CFAP47: variants seen among roughly 807,000 people sequenced by gnomAD.
The protein encoded by CFAP47 is cilia- and flagella-associated protein 47.
Under a neutral mutation model 148.1 loss-of-function variants are expected in CFAP47, and 29 were observed. The ratio of observed to expected loss-of-function variants is 0.20; its 90% CI spans 0.15 to 0.27. The LOEUF (loss-of-function observed/expected upper bound fraction) is 0.27, where lower values mean the gene tolerates loss of function less well. CFAP47 is among the 10% of genes least tolerant of loss of function. CFAP47 has a pLI of 1.00. For missense variants in CFAP47, 1,872 were observed against 1,697.5 expected (o/e 1.10, Z -1.81); for synonymous variants, 664 against 577.3 (o/e 1.15, Z -2.15).
At chrX:36,039,587 G>A (rs1937379043) in intron 25 of CFAP47, among the ~76,000 whole-genome samples, 1 of 112,275 alleles carries the variant, frequency 8.9e-6, no homozygotes, top group Admixed American at 9.5e-5. Flanking sequence ...CCTCTGCTGA[G>A]TGTCTCAATA....
At chrX:36,321,709 T>G (rs5929017) in intron 57 of CFAP47, among the ~76,000 whole-genome samples, 1 of 111,758 alleles carries the variant, frequency 8.9e-6, no homozygotes, top group Admixed American at 9.6e-5. Flanking sequence ...CAAAGTATGG[T>G]TAATGTATGA....
intron 49 of CFAP47, among the ~76,000 whole-genome samples, chrX:36,252,530 C>T (rs1277041565): frequency 1.8e-5 from 2 of 110,678 alleles, no homozygotes; most frequent in Non-Finnish European, 3.8e-5. Flanking sequence ...TGAAATCTTC[C>T]CCTTGTTTTT....
chrX:36,151,960 G>A (rs1191972407), intron 37 of CFAP47, among the ~76,000 whole-genome samples: 2 of 111,048 alleles, frequency 1.8e-5, no homozygotes, highest in African/African-American at 6.6e-5. Flanking sequence ...CTTTCTTTCT[G>A]TGTCTTCACG....
intron 37 of CFAP47, among the ~76,000 whole-genome samples, chrX:36,155,165 A>G (rs954306574): frequency 9.0e-6 from 1 of 110,726 alleles, no homozygotes; most frequent in African/African-American, 3.3e-5. Flanking sequence ...TCCTGTTCTT[A>G]AATTGAGGTA....
At chrX:36,124,614 C>A (rs1380282994) in intron 33 of CFAP47, among the ~76,000 whole-genome samples, 1 of 111,534 alleles carries the variant, frequency 9.0e-6, no homozygotes, top group Non-Finnish European at 1.9e-5. Flanking sequence ...CACAGAAATG[C>A]TCTCTGCCCC....
chrX:36,355,985 A>C (rs1210067738), intron 60 of CFAP47, among the ~76,000 whole-genome samples: 1 of 111,697 alleles, frequency 9.0e-6, no homozygotes, highest in African/African-American at 3.3e-5. Flanking sequence ...AAGAAATTGC[A>C]ATTCTGATCA....
chrX:36,250,140 C>T (rs1173793520), intron 48 of CFAP47, among the ~76,000 whole-genome samples: 1 of 111,247 alleles, frequency 9.0e-6, no homozygotes, highest in Non-Finnish European at 1.9e-5. Flanking sequence ...GCATTATTCA[C>T]AATAGCCAAG....
chrX:36,112,114 C>T (rs1326302625), intron 33 of CFAP47, among the ~76,000 whole-genome samples: 3 of 111,053 alleles, frequency 2.7e-5, no homozygotes, highest in African/African-American at 9.8e-5. Context: ...CAGTTCAGTT[C>T]TGATTTTGGT....
At chrX:36,018,343 CT>C (rs1273993832) in intron 22 of CFAP47, among the ~76,000 whole-genome samples, 1 of 111,655 alleles carries the variant, frequency 9.0e-6, no homozygotes, top group African/African-American at 3.2e-5. Context: ...ATTTGTATGC[CT>C]TTATTTCTTT....
rs141057718 is a variant in CFAP47 at position 36,083,617 on chromosome X, A to T, written c.4692-1697A>T. On this transcript the variant is annotated intron_variant, in intron 29 of 63. Coordinates refer to ENST00000378653, the MANE Select transcript of CFAP47 (RefSeq NM_001304548.2). Reference sequence around the variant, plus strand: ...ACTTTTGCACACTAGTATAACAATAATGAGATATTCTACAATTCTTATGTT... The same window carrying T: ...ACTTTTGCACACTAGTATAACAATATTGAGATATTCTACAATTCTTATGTT... Among the ~76,000 whole-genome samples the T allele has an allele frequency of 7.1e-3, 796 of 111,456 alleles. 4 individuals are homozygous for T. Among genetic ancestry groups the T allele is most frequent in the Middle Eastern group, 0.019 (4 of 211 alleles).
intron 22 of CFAP47, among the ~76,000 whole-genome samples, chrX:36,017,662 C>A (rs761263794): frequency 2.7e-5 from 3 of 111,392 alleles, no homozygotes; most frequent in Non-Finnish European, 5.7e-5. Flanking sequence ...ATTGTGTTTT[C>A]TTGGCTTTTT....
At chrX:35,930,850 C>A (rs1289962526) in intron 2 of CFAP47, among the ~76,000 whole-genome samples, 2 of 111,511 alleles carry the variant, frequency 1.8e-5, no homozygotes, top group Non-Finnish European at 3.8e-5. Context: ...AAAAGTATTG[C>A]TAGTGGTTTA....
intron 46 of CFAP47, among the ~76,000 whole-genome samples, chrX:36,230,534 C>T (rs60378575): frequency 0.16 from 15,060 of 92,056 alleles, 2,885 homozygotes; most frequent in African/African-American, 0.46. Context: ...GAGTAGGTTG[C>T]AAAAATTTTC....
At chrX:36,357,960 G>T (rs1279460209) in intron 60 of CFAP47, among the ~76,000 whole-genome samples, 1 of 111,212 alleles carries the variant, frequency 9.0e-6, no homozygotes, top group Non-Finnish European at 1.9e-5. Flanking sequence ...TTTCATCCCA[G>T]GCCAGTCATC....
chrX:36,057,580 A>T (rs902510635), intron 26 of CFAP47, among the ~76,000 whole-genome samples: 5 of 111,894 alleles, frequency 4.5e-5, no homozygotes, highest in African/African-American at 1.6e-4. Flanking sequence ...AATACCCTAT[A>T]TTCTACTAAA....
intron 22 of CFAP47, among the ~76,000 whole-genome samples, chrX:36,020,558 G>C (rs186924112): frequency 1.8e-5 from 2 of 111,771 alleles, no homozygotes; most frequent in East Asian, 5.7e-4. Flanking sequence ...ATATCTTCTT[G>C]CTGAATTGAC....
intron 29 of CFAP47, among the ~76,000 whole-genome samples, chrX:36,076,058 C>A (rs962817915): frequency 1.8e-5 from 2 of 111,481 alleles, no homozygotes; most frequent in South Asian, 7.4e-4. Context: ...AATGGGATTG[C>A]TGGGTTGAAT....
intron 8 of CFAP47, among the ~76,000 whole-genome samples, chrX:35,962,971 GTA>G (rs1411810313): frequency 1.9e-3 from 197 of 101,624 alleles, no homozygotes; most frequent in Middle Eastern, 9.7e-3. Flanking sequence ...GTGTGTGTGT[GTA>G]TGTGTATGAA....
intron 35 of CFAP47, among the ~76,000 whole-genome samples, 166 bp downstream of exon 35, chrX:36,138,630 C>T (rs780085892): frequency 6.3e-5 from 7 of 110,632 alleles, no homozygotes; most frequent in Non-Finnish European, 9.5e-5. Flanking sequence ...CCACAGAAAT[C>T]GACTGGATAT....
Sources: allele counts gnomAD v4.1 joint callset (sites outside exome capture counted in the v4.1 genomes callset), GRCh38; gene constraint gnomAD v4.1.1; transcripts MANE v1.5; gene names NCBI Gene and HGNC (gene_info 2026-07-23, HGNC 2026-07-21).